NUP214: variants seen among roughly 807,000 people sequenced by gnomAD.
NUP214 encodes the protein nuclear pore complex protein Nup214.
Under a neutral mutation model 196.2 loss-of-function variants are expected in NUP214, and 79 were observed. That is an observed-to-expected ratio of 0.40 (90% confidence interval 0.34 to 0.49). The LOEUF is 0.49. Ranked by LOEUF, NUP214 falls within the 20% of genes least tolerant of loss-of-function variation. The pLI is 0.58. For synonymous variants in NUP214, 1,020 were observed against 990.5 expected, an observed-to-expected ratio of 1.03 and a Z score of -0.56; for missense variants, 2,468 against 2,539.0, an observed-to-expected ratio of 0.97 and a Z score of 0.60.
chr9:131,138,110 C>T (rs1422549629), intron 9 of NUP214, among the ~76,000 whole-genome samples: 2 of 151,942 alleles, frequency 1.3e-5, no homozygotes, highest in Admixed American at 6.6e-5. Flanking sequence ...GAACTGCCTG[C>T]CTGCTTGCTT....
Position 131,125,669 on chromosome 9 carries a change from C to A in NUP214, c.-36C>A, listed in dbSNP as rs1177069916. ...GTTCCGTGGGCAAGGCCGTGGGAGG[C>A]AGCGTTGGCTGCTTCGACACACTGA... On this transcript the variant is annotated 5_prime_UTR_variant, in exon 1 of 36. Transcript: ENST00000359428. This position sits in a 1 kb window ranked among gnomAD's most constrained non-coding sequence, Gnocchi z 4.1. 1.9e-6 allele frequency: 3 copies of A among 1,546,252 alleles called. No homozygotes were observed. In the African/African-American group the frequency reaches 4.1e-5, roughly 21 times the overall value.
chr9:131,132,617 A>T lies in NUP214; in HGVS notation c.685A>T (p.Ile229Phe). ...TCAGACTTTGCAGGAAAAAAAAGTC[A>T]TTCCTTGTCCTCCGTTTTATGAGTC... Reference protein sequence around the residue: ...YLPTLQEKKVIPCPPFYESDH... With the variant: ...YLPTLQEKKVFPCPPFYESDH... Residue 229 changes from isoleucine (I) to phenylalanine (F), a missense_variant, in exon 6 of 36, where the codon ATT (isoleucine) becomes TTT (phenylalanine). This residue lies in a region of NUP214 where 392 missense variants were observed against 417.9 expected (regional missense o/e 0.94). Transcript: ENST00000359428. The T allele has an allele frequency of 1.9e-6, 3 of 1,614,154 alleles. No individual in the cohort carries two copies. Among genetic ancestry groups the T allele is most frequent in the Non-Finnish European group, 2.5e-6 (3 of 1,179,996 alleles).
intron 19 of NUP214, 48 bp from the exon 20 acceptor site, chr9:131,163,822 G>C (rs752164154): frequency 2.6e-5 from 37 of 1,440,818 alleles, no homozygotes; most frequent in Non-Finnish European, 3.5e-5. Context: ...GACAGCCTCC[G>C]ATCTTTCAGC....
chr9:131,140,369 A>C (rs753253828), intron 10 of NUP214, among the ~76,000 whole-genome samples, 180 bp from the exon 11 acceptor site: 2 of 151,976 alleles, frequency 1.3e-5, no homozygotes, highest in African/African-American at 4.8e-5. Flanking sequence ...AGCGGCAGGA[A>C]CTCTCTTTAA....
At chr9:131,189,264 G>A (rs1833537399) in intron 26 of NUP214, 133 bp downstream of exon 26, 6 of 717,568 alleles carry the variant, frequency 8.4e-6, no homozygotes, top group Non-Finnish European at 1.5e-5. Context: ...ATTCAGGGTA[G>A]TATGACCATA....
chr9:131,228,167 C>G lies in NUP214; in HGVS notation c.5910C>G (p.Phe1970Leu), dbSNP rs752729378. 6.3e-7 allele frequency: 1 copy of G among 1,580,102 alleles called. No homozygotes were observed. ...TGCCTCTGTTTTGCTCAGGTGGCTT[C>G]GGTGCTGCTCCAGTGTTTGGCAGCC... is the stretch of plus-strand genomic sequence containing the variant. ...GFSSPNKTGG[F>L]GAAPVFGSPP... is the part of the protein sequence containing the mutation. Residue 1970 changes from phenylalanine (F) to leucine (L), a missense_variant, in exon 33 of 36, where the codon TTC (phenylalanine) becomes TTG (leucine). By Grantham distance (22) the Phe-to-Leu change is conservative. Transcript: ENST00000359428.
intron 24 of NUP214, among the ~76,000 whole-genome samples, chr9:131,179,049 G>C (rs953529781): frequency 6.6e-6 from 1 of 152,064 alleles, no homozygotes; most frequent in African/African-American, 2.4e-5. Context: ...CTGGAGTGCA[G>C]AGTGCAGTAC....
chr9:131,205,461 T>G (rs1006046704), intron 30 of NUP214, among the ~76,000 whole-genome samples: 1 of 152,174 alleles, frequency 6.6e-6, no homozygotes, highest in East Asian at 1.9e-4. Flanking sequence ...AAAATCCCTC[T>G]TGGCCCAGCA....
rs985127430 is a variant in NUP214 at position 131,222,646 on chromosome 9, C to T, written c.5750-132C>T. ...GTACCTGTTGCTGTCACTGTCGCTC[C>T]GCTCCCTTGGCTTCTAGGCGGCTTG... is the stretch of plus-strand genomic sequence containing the variant. On this transcript the variant is annotated intron_variant, in intron 31 of 35. Transcript: ENST00000359428. The T allele has an allele frequency of 1.2e-4, 129 of 1,048,130 alleles. 2 individuals carry two copies. The South Asian group carries it at 2.1e-3, about 17-fold the overall frequency. 64.9% of individuals were successfully genotyped at this position (1,048,130 alleles called of 1,614,324 possible).
At chr9:131,183,254 T>A (rs1833342703) in intron 24 of NUP214, among the ~76,000 whole-genome samples, 1 of 152,148 alleles carries the variant, frequency 6.6e-6, no homozygotes, top group African/African-American at 2.4e-5. Context: ...CTGGCTAATT[T>A]TTATATTTTT....
chr9:131,206,223 G>A (rs1407975548), intron 30 of NUP214, among the ~76,000 whole-genome samples: 1 of 139,692 alleles, frequency 7.2e-6, no homozygotes, highest in Non-Finnish European at 1.5e-5. Flanking sequence ...TCCACTCACT[G>A]CAACCTTTGC....
intron 26 of NUP214, 39 bp from the exon 27 acceptor site, chr9:131,192,169 C>CTTTTTTTTTT (rs66652901): frequency 3.6e-5 from 16 of 447,482 alleles, no homozygotes; most frequent in Admixed American, 5.7e-5. Flanking sequence ...TTGTAATATT[C>CTTTTTTTTTT]TTTTTTTTTT....
chr9:131,194,886 G>A (rs989258277), intron 27 of NUP214, among the ~76,000 whole-genome samples: 1 of 152,048 alleles, frequency 6.6e-6, no homozygotes, highest in East Asian at 1.9e-4. Context: ...ATCTGCTCCG[G>A]CCACCATTCC....
chr9:131,201,781 T>A, intron 30 of NUP214, 64 bp downstream of exon 30: 2 of 1,351,178 alleles, frequency 1.5e-6, no homozygotes, highest in South Asian at 1.2e-5. Flanking sequence ...TTCTTCACTG[T>A]AATGTAGTCA....
In NUP214 at chr9:131,140,570, C is replaced by G; in HGVS notation, c.1154C>G (p.Pro385Arg). The change falls in exon 11 of 36, where the codon CCT (proline) becomes CGT (arginine). Residue 385 changes from proline (P) to arginine (R), a missense_variant. Coordinates refer to ENST00000359428, the MANE Select transcript of NUP214 (RefSeq NM_005085.4). ...ACAGGTGATGAAAAGACTCTTCCTC[C>G]TGCTCCAGTTCTCATGTTACTTTCA... ...ITISDEKTLPPAPVLMLLSTD... is the reference protein window; with the variant it reads ...ITISDEKTLPRAPVLMLLSTD... The G allele has an allele frequency of 6.2e-7, 1 of 1,611,174 alleles. No homozygotes were observed. Among genetic ancestry groups the G allele is most frequent in the African/African-American group, 1.3e-5 (1 of 74,836 alleles).
chr9:131,147,505 G>A lies in NUP214; in HGVS notation c.1961G>A (p.Gly654Asp), dbSNP rs1832118224. ...LPSPSGRSAQ[G>D]SSSPVPSMVQ... is the part of the protein sequence containing the mutation. ...TTTCAAGCAGGACGATCTGCTCAGG[G>A]CAGTTCAAGCCCAGTGCCCTCAATG... is the stretch of plus-strand genomic sequence containing the variant. Residue 654 changes from glycine (G) to aspartate (D), a missense_variant, in exon 14 of 36, where the codon GGC becomes GAC. This residue lies in a region of NUP214 where 1,801 missense variants were observed against 1,779.4 expected (regional missense o/e 1.01). Coordinates refer to ENST00000359428, the MANE Select transcript of NUP214 (RefSeq NM_005085.4). The A allele has an allele frequency of 1.2e-6, 2 of 1,613,826 alleles. No individual in the cohort carries two copies. Among genetic ancestry groups the A allele is most frequent in the Non-Finnish European group, 1.7e-6 (2 of 1,179,822 alleles).
At chr9:131,164,910 T>C (rs770160822) in intron 21 of NUP214, among the ~76,000 whole-genome samples, 2 of 152,216 alleles carry the variant, frequency 1.3e-5, no homozygotes, top group Non-Finnish European at 2.9e-5. Flanking sequence ...TTTGAGATTC[T>C]GTTTTCAGTT....
chr9:131,201,621 A>G, intron 29 of NUP214, 26 bp from the exon 30 acceptor site: 1 of 1,595,978 alleles, frequency 6.3e-7, no homozygotes, highest in Non-Finnish European at 8.6e-7. Flanking sequence ...TCCAAATTGA[A>G]TTTTTGTTTT....
intron 30 of NUP214, among the ~76,000 whole-genome samples, chr9:131,207,629 A>G (rs1834121397): frequency 6.6e-6 from 1 of 152,254 alleles, no homozygotes; most frequent in African/African-American, 2.4e-5. Flanking sequence ...ACAAAGTCCC[A>G]TCCAGGTTCA....
Sources: gnomAD v4.1 joint callset for allele counts (sites outside exome capture counted in the v4.1 genomes callset) on GRCh38, gnomAD v4.1.1 for gene constraint, gnomAD v4.1.1 regional missense constraint, Gnocchi (gnomAD v3.1) non-coding constraint, MANE v1.5 for transcripts, NCBI Gene and HGNC (gene_info 2026-07-23, HGNC 2026-07-21) for gene names.